Variants in PLXDC1 observed in about 807,000 individuals in gnomAD.
PLXDC1 encodes the protein plexin domain containing 1.
Under a neutral mutation model 61.3 loss-of-function variants are expected in PLXDC1, and 39 were observed. The observed-to-expected ratio is 0.64, with a 90% CI of 0.49 to 0.83. The LOEUF (loss-of-function observed/expected upper bound fraction) is 0.83. Among genes scored for constraint, PLXDC1 ranks in the 40% least tolerant of loss-of-function variants. The pLI, the probability that PLXDC1 is intolerant of heterozygous loss-of-function variation, is 0.00. For missense variants in PLXDC1, 596 were observed against 666.5 expected (o/e 0.89, Z 1.17); for synonymous variants, 212 against 254.5 (o/e 0.83, Z 1.59).
chr17:39,070,932 C>T (rs1427841889), intron 12 of PLXDC1, among the ~76,000 whole-genome samples: 6 of 152,160 alleles, frequency 3.9e-5, no homozygotes, highest in African/African-American at 1.2e-4. Context: ...GAGCCGAGAT[C>T]GCACCACTGC....
chr17:39,070,857 A>T (rs1457893882), intron 12 of PLXDC1, among the ~76,000 whole-genome samples: 1 of 152,224 alleles, frequency 6.6e-6, no homozygotes, highest in Non-Finnish European at 1.5e-5. Flanking sequence ...ACGCGCCTGT[A>T]GTCCCAGCTA....
In PLXDC1 at chr17:39,067,820, A is replaced by C; in HGVS notation, c.*20T>G. The C allele has an allele frequency of 6.2e-7, 1 of 1,602,750 alleles. No homozygotes were observed. The highest frequency in any genetic ancestry group is 2.2e-5 in the East Asian group (1 of 44,664). Reference sequence around the variant, plus strand: ...TCTTTTCTGTGGCCTCAAAGTCTTCAAAGGGGAGACTTGGTGTTCTCAGCA... The same window carrying C: ...TCTTTTCTGTGGCCTCAAAGTCTTCCAAGGGGAGACTTGGTGTTCTCAGCA... On this transcript the variant is annotated 3_prime_UTR_variant, in exon 14 of 14. Transcript: ENST00000315392.
chr17:39,148,741 A>G (rs34862428), intron 1 of PLXDC1, among the ~76,000 whole-genome samples: 6,860 of 151,122 alleles, frequency 0.045, 205 homozygotes, highest in African/African-American at 0.07. Flanking sequence ...GGCCTAAATC[A>G]TTTATAGACA....
intron 7 of PLXDC1, among the ~76,000 whole-genome samples, chr17:39,093,914 C>A (rs1464413598): frequency 1.3e-5 from 2 of 152,072 alleles, no homozygotes; most frequent in South Asian, 4.1e-4. Flanking sequence ...GCTGAGGTGG[C>A]GAGGGGTTCA....
intron 1 of PLXDC1, among the ~76,000 whole-genome samples, chr17:39,143,649 A>G (rs1476691059): frequency 6.6e-6 from 1 of 152,178 alleles, no homozygotes; most frequent in Non-Finnish European, 1.5e-5. Flanking sequence ...CTGCTTTGTC[A>G]TTAGACATTG....
At chr17:39,096,129 T>G (rs773480300) in intron 7 of PLXDC1, among the ~76,000 whole-genome samples, 2 of 152,188 alleles carry the variant, frequency 1.3e-5, no homozygotes, top group Non-Finnish European at 2.9e-5. Flanking sequence ...TAAAAAAATC[T>G]AAGAGGTTGG....
chr17:39,091,577 C>A (rs954137379), intron 7 of PLXDC1, among the ~76,000 whole-genome samples: 1 of 152,070 alleles, frequency 6.6e-6, no homozygotes, highest in Non-Finnish European at 1.5e-5. Context: ...CCAGGTGGTC[C>A]CCAAGGCGAG....
chr17:39,118,500 G>A (rs572592399), intron 2 of PLXDC1, among the ~76,000 whole-genome samples: 11 of 152,100 alleles, frequency 7.2e-5, no homozygotes, highest in African/African-American at 1.4e-4. Context: ...CACCATGTCC[G>A]CCTAGTCTAC....
Position 39,118,109 on chromosome 17 carries a change from C to A in PLXDC1, c.256-8718G>T, listed in dbSNP as rs1391155088. On this transcript the variant is annotated intron_variant, in intron 2 of 13. Coordinates refer to ENST00000315392, the MANE Select transcript of PLXDC1 (RefSeq NM_020405.5). ...CCCTTCCTTCCTTCCTTCCTTCCTT[C>A]CTCTCTCTCTCTCAATCTCTTCCTT... Among the ~76,000 whole-genome samples the A allele has an allele frequency of 2.4e-5, 3 of 123,122 alleles. No individual in the cohort carries two copies. In the East Asian group the frequency reaches 9.2e-4, roughly 38 times the overall value. 80.8% of individuals were successfully genotyped at this position (123,122 alleles called of 152,430 possible). A position where few individuals can be genotyped will look rare whatever the true frequency, so the allele number is the denominator to read the frequency against.
At position 39,140,894 on chromosome 17, in the gene PLXDC1, C is replaced by T. The variant is rs1911916151; in HGVS notation, c.77-1062G>A. On this transcript the variant is annotated intron_variant, in intron 1 of 13. Transcript: ENST00000315392. Reference sequence around the variant, plus strand: ...ACAAAATTTGCCATCTAACCATTTCCAAGTGTACAATTCAGTAACATTAAA... The same window carrying T: ...ACAAAATTTGCCATCTAACCATTTCTAAGTGTACAATTCAGTAACATTAAA... 2.0e-5 allele frequency among the ~76,000 whole-genome samples: 3 copies of T among 152,270 alleles called. No homozygotes were observed. In the South Asian group the frequency reaches 6.2e-4, roughly 32 times the overall value.
intron 2 of PLXDC1, among the ~76,000 whole-genome samples, chr17:39,118,080 C>CCTT (rs1911039093): frequency 1.1e-5 from 1 of 90,056 alleles, no homozygotes; most frequent in Non-Finnish European, 2.4e-5. Context: ...CTCCCTCCCT[C>CCTT]CCTCCCTTCC....
Position 39,107,524 on chromosome 17 carries a change from C to T in PLXDC1, c.594G>A (p.Gly198=). 1 of 1,607,646 alleles carries T rather than the reference C, an allele frequency of 6.2e-7. No individual in the cohort carries two copies. Among genetic ancestry groups the T allele is most frequent in the Non-Finnish European group, 8.5e-7 (1 of 1,174,058 alleles). Residue 198 remains glycine (G), a splice_region_variant and synonymous_variant, in exon 6 of 14, where the codon GGG becomes GGA. Transcript: ENST00000315392. ...DNSTVVYFDN[G]TVFVVQWDHV... ...GGTCCCACTGAACCACAAAGACTGT[C>T]CCTGGGGAGAAGAACAGAGACCCGG...
chr17:39,075,914 C>G (rs1909309866), intron 11 of PLXDC1, among the ~76,000 whole-genome samples: 1 of 152,046 alleles, frequency 6.6e-6, no homozygotes, highest in South Asian at 2.1e-4. Flanking sequence ...CCAGTCTCTA[C>G]TAAAAATACA....
chr17:39,128,280 C>T (rs1396748492), intron 2 of PLXDC1, among the ~76,000 whole-genome samples: 7 of 150,968 alleles, frequency 4.6e-5, no homozygotes, highest in South Asian at 2.1e-4. Flanking sequence ...TGCAGTGGCG[C>T]GATCTCGGCT....
At chr17:39,137,325 C>CTG (rs1911786356) in intron 2 of PLXDC1, 1 of 152,182 alleles carries the variant, frequency 6.6e-6, no homozygotes, top group Non-Finnish European at 1.5e-5. Context: ...GAGGCAGAGG[C>CTG]TAGCAAATCA....
intron 2 of PLXDC1, among the ~76,000 whole-genome samples, chr17:39,115,674 G>T (rs993120547): frequency 1.3e-5 from 2 of 152,210 alleles, no homozygotes; most frequent in Non-Finnish European, 2.9e-5. Context: ...GCATTTGGGA[G>T]CGTGGGAGGA....
chr17:39,098,430 C>T (rs1910301482), intron 7 of PLXDC1, among the ~76,000 whole-genome samples: 1 of 152,112 alleles, frequency 6.6e-6, no homozygotes, highest in Admixed American at 6.6e-5. Context: ...TTCAGCGGTG[C>T]CCTAACCCCA....
At chr17:39,150,652 A>C (rs2045366741) in intron 1 of PLXDC1, among the ~76,000 whole-genome samples, 1 of 152,068 alleles carries the variant, frequency 6.6e-6, no homozygotes, top group Non-Finnish European at 1.5e-5. Context: ...AGGAGTGTGC[A>C]GAATGGGACG....
intron 2 of PLXDC1, chr17:39,137,558 C>CA (rs1296273754): frequency 4.6e-5 from 7 of 151,278 alleles, no homozygotes; most frequent in South Asian, 2.1e-4. Context: ...GACTCCATCT[C>CA]AAAAAAAAGA....
Sources: allele counts gnomAD v4.1 joint callset (sites outside exome capture counted in the v4.1 genomes callset), GRCh38; gene constraint gnomAD v4.1.1; transcripts MANE v1.5; gene names NCBI Gene and HGNC (gene_info 2026-07-23, HGNC 2026-07-21).